The following CNNM2 variants were observed in gnomAD, a reference collection of about 807,000 sequenced individuals.
CNNM2 encodes metal transporter CNNM2.
A neutral mutation model predicts 66.9 loss-of-function variants in CNNM2; 12 were observed. The observed-to-expected ratio is 0.18, with a 90% CI of 0.11 to 0.29. The LOEUF is 0.29. Among genes scored for constraint, CNNM2 ranks in the 10% least tolerant of loss-of-function variants. The pLI, the probability that CNNM2 is intolerant of heterozygous loss-of-function variation, is 1.00. For synonymous variants in CNNM2, 557 were observed against 501.8 expected (o/e 1.11, Z -1.47); for missense variants, 705 against 1,167.7 (o/e 0.60, Z 5.77).
At chr10:103,040,695 G>A (rs573002889) in intron 1 of CNNM2, among the ~76,000 whole-genome samples, 6 of 152,282 alleles carry the variant, frequency 3.9e-5, no homozygotes, top group Non-Finnish European at 7.3e-5. Flanking sequence ...AGCTACAGGT[G>A]TGCAGATAAC....
At chr10:103,015,603 C>T (rs552865177) in intron 1 of CNNM2, among the ~76,000 whole-genome samples, 23 of 152,082 alleles carry the variant, frequency 1.5e-4, no homozygotes, top group Non-Finnish European at 2.4e-4. Context: ...CCTGTAATCA[C>T]AGCACTTTAG....
intron 1 of CNNM2, among the ~76,000 whole-genome samples, chr10:102,994,358 G>A (rs1311841455): frequency 1.3e-5 from 2 of 152,168 alleles, no homozygotes; most frequent in Admixed American, 1.3e-4. Flanking sequence ...CAAAATTGCC[G>A]GAAGGGCTGA....
intron 1 of CNNM2, among the ~76,000 whole-genome samples, chr10:103,028,706 GA>G (rs956253858): frequency 1.3e-5 from 2 of 149,864 alleles, no homozygotes; most frequent in Non-Finnish European, 3.0e-5. Context: ...TGTGTCCCAG[GA>G]AAAAAAAGAC....
chr10:102,977,668 A>G (rs2063657136), intron 1 of CNNM2, among the ~76,000 whole-genome samples: 2 of 152,152 alleles, frequency 1.3e-5, no homozygotes, highest in Admixed American at 1.3e-4. Context: ...TAAAAATGCA[A>G]AAATTAGCCG....
chr10:103,089,545 C>T lies in CNNM2; in HGVS notation c.*12365C>T. The T allele has an allele frequency of 7.1e-7, 1 of 1,415,336 alleles. No individual in the cohort carries two copies. Among genetic ancestry groups the T allele is most frequent in the Non-Finnish European group, 9.3e-7 (1 of 1,080,834 alleles). 87.7% of individuals were successfully genotyped at this position (1,415,336 alleles called of 1,614,324 possible). A position where few individuals can be genotyped will look rare whatever the true frequency, so the allele number is the denominator to read the frequency against. Reference sequence around the variant, plus strand: ...TCTATGATAATAAAATCTTCAGAAACTTTTCAGACGTACCTTTCATGGAGC... The same window carrying T: ...TCTATGATAATAAAATCTTCAGAAATTTTTCAGACGTACCTTTCATGGAGC... On this transcript the variant is annotated 3_prime_UTR_variant, in exon 8 of 8. Coordinates refer to ENST00000369878, the MANE Select transcript of CNNM2 (RefSeq NM_017649.5).
In CNNM2 at chr10:102,993,932, C is replaced by CT. The variant is rs555330965; in HGVS notation, c.1622-55769dup. 7.1e-4 allele frequency among the ~76,000 whole-genome samples: 108 copies of CT among 151,912 alleles called. 1 individual carries two copies. The highest frequency in any genetic ancestry group is 2.5e-3 in the African/African-American group (105 of 41,410). ...GGAGGTTCTGGCTTTATGTCAAAAT[C>CT]TTTTTTCTGTGTGTGTGTGAGTGTG... On this transcript the variant is annotated intron_variant, in intron 1 of 7. Coordinates refer to ENST00000369878, the MANE Select transcript of CNNM2 (RefSeq NM_017649.5).
chr10:102,981,749 A>G (rs886691236), intron 1 of CNNM2, among the ~76,000 whole-genome samples: 1 of 151,764 alleles, frequency 6.6e-6, no homozygotes, highest in African/African-American at 2.4e-5. Flanking sequence ...CCATAATACT[A>G]TATCTCAGAT....
At chr10:103,071,061 C>T (rs987979260) in intron 5 of CNNM2, among the ~76,000 whole-genome samples, 4 of 152,152 alleles carry the variant, frequency 2.6e-5, no homozygotes, top group African/African-American at 9.7e-5. Flanking sequence ...GTACAGATAT[C>T]ACAAGGTAAA....
chr10:103,074,065 A>AGGCCAAG (rs2065647434), intron 6 of CNNM2, among the ~76,000 whole-genome samples: 1 of 151,912 alleles, frequency 6.6e-6, no homozygotes, highest in Non-Finnish European at 1.5e-5. Flanking sequence ...AGGCAGGTGG[A>AGGCCAAG]TCACCTGAGG....
chr10:103,078,211 C>T lies in CNNM2; in HGVS notation c.*1031C>T, dbSNP rs928643805. 1.1e-4 allele frequency: 17 copies of T among 152,264 alleles called. No homozygotes were observed. The highest frequency in any genetic ancestry group is 1.0e-3 in the Admixed American group (16 of 15,288). 9.4% of individuals were successfully genotyped at this position (152,264 alleles called of 1,614,324 possible). A position where few individuals can be genotyped will look rare whatever the true frequency, so the allele number is the denominator to read the frequency against. ...GAACATACTTTAACAGAAAACGAGT[C>T]GGACCTTCTAGCTGCACTCTGTACT... On this transcript the variant is annotated 3_prime_UTR_variant, in exon 8 of 8. Transcript: ENST00000369878.
intron 1 of CNNM2, among the ~76,000 whole-genome samples, chr10:102,953,584 A>C (rs1846921229): frequency 7.0e-6 from 1 of 143,082 alleles, no homozygotes; most frequent in African/African-American, 2.6e-5. Context: ...TTTAAAGATG[A>C]GATCTCATTC....
chr10:102,995,006 T>G (rs1257693756), intron 1 of CNNM2, among the ~76,000 whole-genome samples: 1 of 152,004 alleles, frequency 6.6e-6, no homozygotes, highest in Non-Finnish European at 1.5e-5. Flanking sequence ...TCATGTTGGT[T>G]TTTAAAACCC....
At chr10:103,039,000 TAAAAA>T (rs552083579) in intron 1 of CNNM2, among the ~76,000 whole-genome samples, 1 of 148,366 alleles carries the variant, frequency 6.7e-6, no homozygotes, top group Non-Finnish European at 1.5e-5. Flanking sequence ...AATAAGTACT[TAAAAA>T]AAAAAGAAGA....
chr10:102,971,967 G>C (rs1200099353), intron 1 of CNNM2, among the ~76,000 whole-genome samples: 2 of 151,996 alleles, frequency 1.3e-5, no homozygotes, highest in Non-Finnish European at 2.9e-5. Context: ...TGGGTTGTTT[G>C]TGTCTTTTAA....
At chr10:102,934,233 G>A (rs1176196830) in intron 1 of CNNM2, among the ~76,000 whole-genome samples, 2 of 151,636 alleles carry the variant, frequency 1.3e-5, no homozygotes, top group African/African-American at 4.8e-5. Context: ...TGCCTGGCTG[G>A]AGCTTAGGAG....
rs2065185313 is a variant in CNNM2 at position 103,049,702 on chromosome 10, T to C, written c.1622-5T>C. 6.8e-6 allele frequency: 11 copies of C among 1,611,464 alleles called. No individual in the cohort carries two copies. The highest frequency in any genetic ancestry group is 8.5e-6 in the Non-Finnish European group (10 of 1,178,980). The stretch of plus-strand genomic sequence containing the variant: ...CACTTCCTAAACTTTTTCTTGTCTC[T>C]AAAGGTAAATCTCACCTGGCTATCG... On this transcript the variant is annotated splice_region_variant and splice_polypyrimidine_tract_variant and intron_variant, in intron 1 of 7. Coordinates refer to ENST00000369878, the MANE Select transcript of CNNM2 (RefSeq NM_017649.5).
intron 1 of CNNM2, among the ~76,000 whole-genome samples, chr10:102,933,752 T>C (rs765995555): frequency 6.6e-6 from 1 of 152,176 alleles, no homozygotes. Flanking sequence ...TAAATACGTA[T>C]TAACTGTCTG....
Position 102,921,804 on chromosome 10 carries a change from C to A in CNNM2, c.1621+1703C>A, listed in dbSNP as rs116708355. ...TATTACTTAGAATTTTGCACATTTA[C>A]TCATGAATTGATAACACTAGTTTGT... On this transcript the variant is annotated intron_variant, in intron 1 of 7. Coordinates refer to ENST00000369878, the MANE Select transcript of CNNM2 (RefSeq NM_017649.5). 7.1e-3 allele frequency among the ~76,000 whole-genome samples: 1,084 copies of A among 152,294 alleles called. 14 individuals carry two copies. The highest frequency in any genetic ancestry group is 0.025 in the African/African-American group (1,021 of 41,558).
At chr10:103,002,909 C>T (rs1289773422) in intron 1 of CNNM2, among the ~76,000 whole-genome samples, 1 of 152,110 alleles carries the variant, frequency 6.6e-6, no homozygotes. Context: ...TAGGTATATG[C>T]TCAAGAGAAA....
Sources: gnomAD v4.1 joint callset for allele counts (sites outside exome capture counted in the v4.1 genomes callset) on GRCh38, gnomAD v4.1.1 for gene constraint, MANE v1.5 for transcripts, NCBI Gene and HGNC (gene_info 2026-07-23, HGNC 2026-07-21) for gene names.